Variants in CA10 observed in about 807,000 individuals in gnomAD.
CA10 encodes the protein carbonic anhydrase-related protein 10.
Under a neutral mutation model 44.2 loss-of-function variants are expected in CA10, and 14 were observed. That is an observed-to-expected ratio of 0.32 (90% CI 0.21 to 0.50). The LOEUF (loss-of-function observed/expected upper bound fraction) is 0.50. CA10 is among the 20% of genes least tolerant of loss of function. The pLI, the probability that CA10 is intolerant of heterozygous loss-of-function variation, is 0.99. For missense variants in CA10, 350 were observed against 409.7 expected (o/e 0.85, Z 1.26); for synonymous variants, 159 against 141.6 (o/e 1.12, Z -0.87).
chr17:51,904,838 G>C (rs879526696), intron 3 of CA10, among the ~76,000 whole-genome samples: 3 of 151,988 alleles, frequency 2.0e-5, no homozygotes, highest in Non-Finnish European at 4.4e-5. Flanking sequence ...CTATGGAATT[G>C]GGACCTCTCC....
chr17:52,093,016 G>A (rs1326056737), intron 1 of CA10, among the ~76,000 whole-genome samples: 1 of 151,980 alleles, frequency 6.6e-6, no homozygotes, highest in Non-Finnish European at 1.5e-5. Flanking sequence ...TCAATGTAAT[G>A]TTTTATCATG....
chr17:51,684,040 G>A (rs1267790989), intron 4 of CA10, among the ~76,000 whole-genome samples: 1 of 152,246 alleles, frequency 6.6e-6, no homozygotes, highest in African/African-American at 2.4e-5. Flanking sequence ...CTTTGCAGAT[G>A]TGATTAAGTT....
At chr17:51,828,757 T>A (rs1908123723) in intron 3 of CA10, among the ~76,000 whole-genome samples, 1 of 152,242 alleles carries the variant, frequency 6.6e-6, no homozygotes, top group African/African-American at 2.4e-5. Context: ...GGTGCTGTCA[T>A]AGCTAAATGC....
At chr17:52,115,829 C>T (rs1988883835) in intron 1 of CA10, among the ~76,000 whole-genome samples, 1 of 152,254 alleles carries the variant, frequency 6.6e-6, no homozygotes, top group African/African-American at 2.4e-5. Context: ...CACAGTGGCT[C>T]ACGCCTGTAA....
At chr17:51,833,770 T>C (rs1460953684) in intron 3 of CA10, among the ~76,000 whole-genome samples, 1 of 152,232 alleles carries the variant, frequency 6.6e-6, no homozygotes, top group Non-Finnish European at 1.5e-5. Flanking sequence ...CCAAAAGATC[T>C]AAAGAATCAG....
intron 2 of CA10, among the ~76,000 whole-genome samples, chr17:51,989,246 G>T (rs1054768545): frequency 6.6e-6 from 1 of 151,062 alleles, no homozygotes; most frequent in African/African-American, 2.4e-5. Context: ...TTGTTCTACA[G>T]ATTATTTCAT....
At chr17:51,676,078 G>A (rs899660163) in intron 4 of CA10, among the ~76,000 whole-genome samples, 2 of 152,240 alleles carry the variant, frequency 1.3e-5, no homozygotes, top group African/African-American at 4.8e-5. Context: ...CTTAAGTGGA[G>A]TCTGTGAACA....
At chr17:52,088,383 T>C (rs868036071) in intron 1 of CA10, among the ~76,000 whole-genome samples, 1 of 151,524 alleles carries the variant, frequency 6.6e-6, no homozygotes, top group Non-Finnish European at 1.5e-5. Flanking sequence ...TGTGTAACAA[T>C]GAGATTCTGT....
intron 2 of CA10, among the ~76,000 whole-genome samples, chr17:52,064,280 T>A (rs778583355): frequency 1.3e-5 from 2 of 152,192 alleles, no homozygotes; most frequent in African/African-American, 2.4e-5. Flanking sequence ...CTTATGGGAC[T>A]CAGTAGAGGA....
chr17:52,052,509 C>A (rs1429250845), intron 2 of CA10, among the ~76,000 whole-genome samples: 2 of 151,836 alleles, frequency 1.3e-5, no homozygotes. Context: ...CATGTTATTA[C>A]AGAAAAGATA....
chr17:51,880,588 C>T (rs548081659), intron 3 of CA10, among the ~76,000 whole-genome samples: 17 of 152,142 alleles, frequency 1.1e-4, no homozygotes, highest in Non-Finnish European at 2.4e-4. Context: ...AGGTGTGAGA[C>T]ATTGTGCCCT....
intron 2 of CA10, among the ~76,000 whole-genome samples, chr17:52,024,114 C>T (rs1986227577): frequency 6.6e-6 from 1 of 152,132 alleles, no homozygotes; most frequent in East Asian, 1.9e-4. Flanking sequence ...GGCTTCATAA[C>T]CTCAGTTACT....
intron 3 of CA10, among the ~76,000 whole-genome samples, chr17:51,884,792 G>A (rs1164220607): frequency 1.3e-5 from 2 of 152,210 alleles, no homozygotes; most frequent in Non-Finnish European, 2.9e-5. Flanking sequence ...GGTTCTGAGG[G>A]AGAATCTGTG....
intron 1 of CA10, among the ~76,000 whole-genome samples, chr17:52,124,885 A>G (rs1363576905): frequency 6.6e-6 from 1 of 152,210 alleles, no homozygotes; most frequent in Non-Finnish European, 1.5e-5. Context: ...TCTCAGGATA[A>G]GGTCCATATC....
chr17:51,896,308 G>A (rs996987708), intron 3 of CA10, among the ~76,000 whole-genome samples: 2 of 152,036 alleles, frequency 1.3e-5, no homozygotes, highest in African/African-American at 2.4e-5. Context: ...TATGCTCAAT[G>A]TTTAGCTGTC....
chr17:52,096,252 AC>A (rs1330202123), intron 1 of CA10, among the ~76,000 whole-genome samples: 1 of 152,102 alleles, frequency 6.6e-6, no homozygotes, highest in Non-Finnish European at 1.5e-5. Flanking sequence ...TTTTTCTCTG[AC>A]CCACATTTCC....
At chr17:51,805,301 T>C (rs913156850) in intron 3 of CA10, among the ~76,000 whole-genome samples, 4 of 152,226 alleles carry the variant, frequency 2.6e-5, no homozygotes, top group Non-Finnish European at 5.9e-5. Flanking sequence ...TGCTAGCGAT[T>C]GGGGATTCAA....
At chr17:51,938,010 C>A (rs576483869) in intron 2 of CA10, among the ~76,000 whole-genome samples, 5 of 152,226 alleles carry the variant, frequency 3.3e-5, no homozygotes, top group African/African-American at 1.2e-4. Flanking sequence ...AAAATTTAAG[C>A]CACTGCATCT....
chr17:51,974,082 A>T (rs1487065442), intron 2 of CA10, among the ~76,000 whole-genome samples: 1 of 152,164 alleles, frequency 6.6e-6, no homozygotes. Flanking sequence ...AAACTACAAG[A>T]TAAATTTTTA....
Sources: allele counts gnomAD v4.1 joint callset (sites outside exome capture counted in the v4.1 genomes callset), GRCh38; gene constraint gnomAD v4.1.1; transcripts MANE v1.5; gene names NCBI Gene and HGNC (gene_info 2026-07-23, HGNC 2026-07-21).